BAIAP2L2: variants seen among roughly 807,000 people sequenced by gnomAD.
BAIAP2L2 encodes the protein BAR/IMD domain-containing adapter protein 2-like 2.
A neutral mutation model predicts 60.4 loss-of-function variants in BAIAP2L2; 65 were observed. That is an observed-to-expected ratio of 1.08 (90% CI 0.88 to 1.32). The LOEUF is 1.32. Among genes scored for constraint, BAIAP2L2 ranks in the 40% most tolerant of loss-of-function variants. The pLI is 0.00. For missense variants in BAIAP2L2, 836 were observed against 741.2 expected (o/e 1.13, Z -1.48); for synonymous variants, 344 against 301.7 (o/e 1.14, Z -1.45).
chr22:38,086,505 G>T, intron 11 of BAIAP2L2, 56 bp from the exon 12 acceptor site: 1 of 1,335,752 alleles, frequency 7.5e-7, no homozygotes, highest in African/African-American at 1.5e-5. Context: ...CCAATCCCTT[G>T]TCCTGCCAGT....
Position 38,085,105 on chromosome 22 carries a change from T to G in BAIAP2L2, c.*195A>C. 3.6e-6 allele frequency: 2 copies of G among 556,032 alleles called. No homozygotes were observed. The highest frequency in any genetic ancestry group is 6.4e-6 in the Non-Finnish European group (2 of 312,268). 34.4% of individuals were successfully genotyped at this position (556,032 alleles called of 1,614,324 possible). On this transcript the variant is annotated 3_prime_UTR_variant, in exon 14 of 14. Transcript: ENST00000381669. ...GTCCTGTCCCCCCATTCCGCCTGCT[T>G]TACTTTGAAGGTCTCGGACCCCAAG...
At chr22:38,100,355 G>A (rs1048686102) in intron 4 of BAIAP2L2, among the ~76,000 whole-genome samples, 22 of 151,772 alleles carry the variant, frequency 1.4e-4, no homozygotes, top group African/African-American at 2.9e-4. Flanking sequence ...CTGAAACCCC[G>A]TCTCTACTAA....
At chr22:38,097,546 G>T (rs941506789) in intron 6 of BAIAP2L2, among the ~76,000 whole-genome samples, 1 of 152,222 alleles carries the variant, frequency 6.6e-6, no homozygotes, top group African/African-American at 2.4e-5. Context: ...TTCTGAGGAG[G>T]GGAGGCGTGA....
intron 2 of BAIAP2L2, 108 bp downstream of exon 2, chr22:38,109,025 G>T: frequency 1.0e-6 from 1 of 970,204 alleles, no homozygotes. Flanking sequence ...GGAGGGTGTA[G>T]GGTTGAGGAT....
chr22:38,106,758 G>A (rs1015882530), intron 4 of BAIAP2L2, among the ~76,000 whole-genome samples: 3 of 152,114 alleles, frequency 2.0e-5, no homozygotes, highest in Admixed American at 6.5e-5. Flanking sequence ...CCTGCTGCCC[G>A]CTCATGGCTG....
At chr22:38,109,599 G>A (rs186158380) in intron 1 of BAIAP2L2, among the ~76,000 whole-genome samples, 7 of 152,316 alleles carry the variant, frequency 4.6e-5, no homozygotes, top group Admixed American at 4.6e-4. Context: ...GGCCTTGCCG[G>A]GCTACACGCC....
chr22:38,099,393 G>C (rs1031905475), intron 4 of BAIAP2L2, among the ~76,000 whole-genome samples: 1 of 152,198 alleles, frequency 6.6e-6, no homozygotes, highest in African/African-American at 2.4e-5. Flanking sequence ...AATCAGCCAG[G>C]CATGGTGGTG....
upstream of BAIAP2L2, among the ~76,000 whole-genome samples, chr22:38,110,947 C>T (rs1293032580): frequency 3.9e-5 from 6 of 152,192 alleles, no homozygotes; most frequent in African/African-American, 1.2e-4. Context: ...GGGCGCTGCC[C>T]GATGCCCTCC....
At chr22:38,108,438 G>A in intron 2 of BAIAP2L2, 97 bp from the exon 3 acceptor site, 1 of 958,162 alleles carries the variant, frequency 1.0e-6, no homozygotes, top group Non-Finnish European at 1.6e-6. Context: ...TGTCCTGGGT[G>A]GGGTGTGGGC....
rs1239716431 is a variant in BAIAP2L2, at chr22:38,109,206, G to A, written c.54C>T (p.Ser18=). The change falls in exon 2 of 14, where the codon AGC becomes AGT. Residue 18 remains serine, a splice_region_variant and synonymous_variant. Transcript: ENST00000381669. ...FYRSTMAIYK[S]IMEQFNPALE... is the part of the protein sequence containing the mutation. The stretch of plus-strand genomic sequence containing the variant: ...GGGCGGGGTTAAACTGCTCCATGAT[G>A]CTCTGGACCCCAGGGTCAGGGGAGG... 3.4e-5 allele frequency: 55 copies of A among 1,610,840 alleles called. No individual in the cohort carries two copies. Among genetic ancestry groups the A allele is most frequent in the Non-Finnish European group, 4.6e-5 (54 of 1,177,604 alleles).
At chr22:38,092,691 G>A (rs973837416) in intron 7 of BAIAP2L2, among the ~76,000 whole-genome samples, 1 of 152,140 alleles carries the variant, frequency 6.6e-6, no homozygotes, top group Non-Finnish European at 1.5e-5. Context: ...CATGTTACTT[G>A]CTCCCTATGT....
At chr22:38,107,650 G>A (rs1257233803) in intron 4 of BAIAP2L2, among the ~76,000 whole-genome samples, 2 of 152,148 alleles carry the variant, frequency 1.3e-5, no homozygotes, top group African/African-American at 2.4e-5. Flanking sequence ...ATAAAATGGA[G>A]GCAGAAATGC....
Position 38,107,889 on chromosome 22 carries a change from T to C in BAIAP2L2, c.239A>G (p.Asp80Gly), listed in dbSNP as rs1450717027. The C allele has an allele frequency of 2.5e-6, 4 of 1,613,492 alleles. No homozygotes were observed. In the South Asian group the frequency reaches 4.4e-5, roughly 18 times the overall value. The change falls in exon 4 of 14, where the codon GAC becomes GGC. Residue 80 changes from aspartate (D) to glycine (G), a missense_variant. Asp to Gly is a moderately conservative substitution (Grantham distance 94, BLOSUM62 -1). Coordinates refer to ENST00000381669, the MANE Select transcript of BAIAP2L2 (RefSeq NM_025045.6). ...ILGEILVQMS[D>G]TQRHLNSDLE... ...GTCAGAGTTCAAGTGCCGCTGGGTG[T>C]CAGACATCTGCACCAAGATCTCCCC...
At chr22:38,097,422 C>G (rs1412589076) in intron 6 of BAIAP2L2, among the ~76,000 whole-genome samples, 1 of 152,238 alleles carries the variant, frequency 6.6e-6, no homozygotes, top group East Asian at 1.9e-4. Flanking sequence ...CTGTCTGAGC[C>G]TTCGCTCTGT....
At position 38,107,718 on chromosome 22, in the gene BAIAP2L2, A is replaced by C. The variant is rs548565132; in HGVS notation, c.276+134T>G. ...CGACTATTGCAGGGAACCGTGCCCC[A>C]CAGAGCCGGGTGCTGGGAAGGGCAG... On this transcript the variant is annotated intron_variant, in intron 4 of 13. Transcript: ENST00000381669. 3.7e-6 allele frequency: 3 copies of C among 801,644 alleles called. No individual in the cohort carries two copies. In the South Asian group the frequency reaches 4.6e-5, roughly 12 times the overall value. The allele number at this position is 801,644 out of a possible 1,614,324, so 49.7% of individuals were successfully genotyped here. A position where few individuals can be genotyped will look rare whatever the true frequency, so the allele number is the denominator to read the frequency against.
intron 9 of BAIAP2L2, 21 bp downstream of exon 9, chr22:38,089,075 C>G: frequency 4.3e-6 from 6 of 1,381,452 alleles, no homozygotes; most frequent in Non-Finnish European, 5.6e-6. Context: ...CCTCCTGCCG[C>G]CCCGGGGCGG....
At chr22:38,110,099 C>CAGAGAGAGGGAG (rs1379677788) in intron 1 of BAIAP2L2, among the ~76,000 whole-genome samples, 13 of 10,156 alleles carry the variant, frequency 1.3e-3, no homozygotes, top group Non-Finnish European at 2.3e-3. Flanking sequence ...GAGAGAGAGA[C>CAGAGAGAGGGAG]AGAGAGAGGG....
intron 13 of BAIAP2L2, 149 bp from the exon 14 acceptor site, chr22:38,085,524 T>C: frequency 7.7e-7 from 1 of 1,304,970 alleles, no homozygotes; most frequent in Middle Eastern, 2.2e-4. Context: ...ATCTTTTTTT[T>C]TCTTTTAAGA....
chr22:38,109,057 A>G, intron 2 of BAIAP2L2, 76 bp downstream of exon 2: 3 of 1,130,744 alleles, frequency 2.7e-6, no homozygotes, highest in Non-Finnish European at 3.8e-6. Context: ...GGATGCAGAG[A>G]ATCTGGGAGG....
Sources: allele counts gnomAD v4.1 joint callset (sites outside exome capture counted in the v4.1 genomes callset), GRCh38; gene constraint gnomAD v4.1.1; transcripts MANE v1.5; gene names NCBI Gene and HGNC (gene_info 2026-07-23, HGNC 2026-07-21).